ADAM12: variants seen among roughly 807,000 people sequenced by gnomAD.
ADAM12 encodes the protein disintegrin and metalloproteinase domain-containing protein 12.
ADAM12 carries 70 observed loss-of-function variants against 106.4 expected under a neutral mutation model. The observed-to-expected ratio is 0.66, with a 90% CI of 0.54 to 0.80. ADAM12 has a LOEUF of 0.80. Among genes scored for constraint, ADAM12 ranks in the 30% least tolerant of loss-of-function variants. The pLI is 0.00. For synonymous variants in ADAM12, 420 were observed against 433.5 expected (o/e 0.97, Z 0.39); for missense variants, 1,010 against 1,171.9 (o/e 0.86, Z 2.02).
At chr10:126,107,267 G>A (rs1055725025) in intron 8 of ADAM12, among the ~76,000 whole-genome samples, 3 of 152,316 alleles carry the variant, frequency 2.0e-5, no homozygotes, top group Non-Finnish European at 4.4e-5. Flanking sequence ...GAAGAAGTAA[G>A]TGATTCTCTT....
At chr10:126,095,826 C>A (rs1478220307) in intron 10 of ADAM12, among the ~76,000 whole-genome samples, 1 of 152,084 alleles carries the variant, frequency 6.6e-6, no homozygotes, top group Admixed American at 6.6e-5. Context: ...GAAATAAATT[C>A]CCTTTCTTTA....
chr10:126,041,488 A>C (rs1590323076), intron 18 of ADAM12: 2 of 985,446 alleles, frequency 2.0e-6, no homozygotes, highest in Non-Finnish European at 2.4e-6. Flanking sequence ...CAAACCCTCA[A>C]ACCTGAGTAC....
At chr10:126,358,600 A>G (rs779607580) in intron 1 of ADAM12, among the ~76,000 whole-genome samples, 21 of 152,300 alleles carry the variant, frequency 1.4e-4, no homozygotes, top group East Asian at 1.9e-4. Context: ...GAATGCCTAC[A>G]CTCACCATTT....
At chr10:126,098,582 C>A in intron 9 of ADAM12, 82 bp from the exon 10 acceptor site, 2 of 1,192,050 alleles carry the variant, frequency 1.7e-6, no homozygotes. Flanking sequence ...GTTGGATATT[C>A]CTGCAATAAA....
chr10:126,154,663 C>T (rs557673941), intron 4 of ADAM12, among the ~76,000 whole-genome samples: 1 of 152,266 alleles, frequency 6.6e-6, no homozygotes, highest in East Asian at 1.9e-4. Flanking sequence ...GGAGAGTACA[C>T]AGTAAACATT....
At chr10:126,130,920 GAATCCTT>G (rs1956292503) in intron 5 of ADAM12, among the ~76,000 whole-genome samples, 2 of 152,242 alleles carry the variant, frequency 1.3e-5, no homozygotes, top group African/African-American at 4.8e-5. Flanking sequence ...TCCTTGTAGA[GAATCCTT>G]TTCTCTTTGC....
chr10:126,104,904 T>G (rs1384664276), intron 8 of ADAM12, among the ~76,000 whole-genome samples: 1 of 152,254 alleles, frequency 6.6e-6, no homozygotes, highest in Non-Finnish European at 1.5e-5. Flanking sequence ...CGTTGTTTTC[T>G]GGACTGAGAC....
At chr10:126,081,328 G>A (rs1307388354) in intron 11 of ADAM12, among the ~76,000 whole-genome samples, 3 of 152,038 alleles carry the variant, frequency 2.0e-5, no homozygotes, top group African/African-American at 7.3e-5. Flanking sequence ...CAAAGTTGCA[G>A]GGAACCGGGG....
chr10:126,155,307 T>G lies in ADAM12; in HGVS notation c.261-2A>C. The G allele has an allele frequency of 6.2e-7, 1 of 1,613,596 alleles. No homozygotes were observed. Among genetic ancestry groups the G allele is most frequent in the Non-Finnish European group, 8.5e-7 (1 of 1,179,610 alleles). On this transcript the variant is annotated splice_acceptor_variant, in intron 3 of 22. Transcript: ENST00000448723. LOFTEE classifies it high-confidence loss of function. ...GTGAAACTGCTGGCAATGAGACCTC[T>G]GCGGAAAAACAAAAACACCATAAAA...
intron 3 of ADAM12, among the ~76,000 whole-genome samples, chr10:126,234,407 T>A (rs969807972): frequency 6.6e-6 from 1 of 152,218 alleles, no homozygotes; most frequent in Non-Finnish European, 1.5e-5. Context: ...GCCAGTTAGA[T>A]TCCTGTTGCC....
intron 10 of ADAM12, among the ~76,000 whole-genome samples, chr10:126,098,113 C>A (rs1046891994): frequency 6.6e-6 from 1 of 152,196 alleles, no homozygotes; most frequent in African/African-American, 2.4e-5. Context: ...CCCTGGCTCA[C>A]CCCAGTGCTG....
chr10:126,265,386 G>T (rs1959078159), intron 3 of ADAM12, among the ~76,000 whole-genome samples: 1 of 152,196 alleles, frequency 6.6e-6, no homozygotes, highest in South Asian at 2.1e-4. Flanking sequence ...CCCAAGGAAA[G>T]AACAGATCTA....
chr10:126,109,471 G>A (rs1955830422), intron 7 of ADAM12, among the ~76,000 whole-genome samples: 1 of 152,048 alleles, frequency 6.6e-6, no homozygotes, highest in African/African-American at 2.4e-5. Context: ...TCCCCAAAAT[G>A]TTTTAGAATA....
At chr10:126,027,462 A>G (rs1359271329) in intron 21 of ADAM12, among the ~76,000 whole-genome samples, 2 of 152,212 alleles carry the variant, frequency 1.3e-5, no homozygotes, top group Non-Finnish European at 2.9e-5. Flanking sequence ...TGATGCAAAA[A>G]TCCTCAACAA....
intron 3 of ADAM12, among the ~76,000 whole-genome samples, chr10:126,274,553 A>T (rs149385493): frequency 1.8e-3 from 275 of 152,342 alleles, no homozygotes; most frequent in African/African-American, 6.2e-3. Context: ...ATTGATCCGA[A>T]CTGCTGAAAT....
intron 3 of ADAM12, among the ~76,000 whole-genome samples, chr10:126,237,088 T>C (rs1958433228): frequency 6.6e-6 from 1 of 152,156 alleles, no homozygotes; most frequent in Admixed American, 6.5e-5. Flanking sequence ...CCCAGATGCG[T>C]CTACGTTAAT....
At chr10:126,326,384 G>A (rs932378966) in intron 2 of ADAM12, among the ~76,000 whole-genome samples, 1 of 152,116 alleles carries the variant, frequency 6.6e-6, no homozygotes, top group Non-Finnish European at 1.5e-5. Context: ...ATTAGACAGG[G>A]GGTCCTTTCT....
chr10:126,050,758 A>T (rs1819721465), intron 14 of ADAM12, among the ~76,000 whole-genome samples: 1 of 152,200 alleles, frequency 6.6e-6, no homozygotes, highest in African/African-American at 2.4e-5. Flanking sequence ...AGACATGATC[A>T]TCTCATTCAA....
At chr10:126,071,699 G>A in intron 11 of ADAM12, 45 bp from the exon 12 acceptor site, 1 of 1,598,990 alleles carries the variant, frequency 6.3e-7, no homozygotes, top group Non-Finnish European at 8.6e-7. Context: ...GGCATGGAAT[G>A]GCTTTGTCTG....
Sources: gnomAD v4.1 joint callset for allele counts (sites outside exome capture counted in the v4.1 genomes callset) on GRCh38, gnomAD v4.1.1 for gene constraint, MANE v1.5 for transcripts, NCBI Gene and HGNC (gene_info 2026-07-23, HGNC 2026-07-21) for gene names.